Variants in ADAMTS17 observed in about 807,000 individuals in gnomAD.
The protein encoded by ADAMTS17 is A disintegrin and metalloproteinase with thrombospondin motifs 17.
In ADAMTS17, 113 loss-of-function variants were observed where a neutral mutation model predicts 141.5. The ratio of observed to expected loss-of-function variants is 0.80; its 90% CI spans 0.69 to 0.93. The LOEUF is 0.93. Among genes scored for constraint, ADAMTS17 ranks in the 40% least tolerant of loss-of-function variants. The pLI, the probability that ADAMTS17 is intolerant of heterozygous loss-of-function variation, is 0.00. For missense variants in ADAMTS17, 1,659 were observed against 1,517.9 expected, an observed-to-expected ratio of 1.09 and a Z score of -1.54; for synonymous variants, 768 against 630.6, an observed-to-expected ratio of 1.22 and a Z score of -3.27.
rs930122146 is a variant in ADAMTS17 at position 100,176,361 on chromosome 15, G to A, written c.1182-21041C>T. ...TCAAACTAGGCTACGTGTTGGAGTC[G>A]CCTAAGGAGTTAAAAAAAAATACAG... On this transcript the variant is annotated intron_variant, in intron 8 of 21. Transcript: ENST00000268070. 5.9e-5 allele frequency among the ~76,000 whole-genome samples: 9 copies of A among 152,112 alleles called. No homozygotes were observed. The East Asian group carries it at 9.6e-4, about 16-fold the overall frequency.
At chr15:100,180,548 T>C (rs570196564) in intron 8 of ADAMTS17, among the ~76,000 whole-genome samples, 1 of 152,332 alleles carries the variant, frequency 6.6e-6, no homozygotes, top group East Asian at 1.9e-4. Flanking sequence ...TTTCTATCTC[T>C]GTGAAGAATG....
chr15:100,162,574 A>G (rs201549246), intron 8 of ADAMTS17, among the ~76,000 whole-genome samples: 4 of 36 alleles, frequency 0.11, no homozygotes, highest in African/African-American at 0.29. Context: ...TTATATGTGT[A>G]TATATATGCA....
chr15:100,192,823 T>C (rs1466625113), intron 8 of ADAMTS17, among the ~76,000 whole-genome samples: 8 of 152,202 alleles, frequency 5.3e-5, no homozygotes, highest in Non-Finnish European at 1.5e-5. Flanking sequence ...CCATGTCAAC[T>C]CCAGTTATGG....
intron 4 of ADAMTS17, among the ~76,000 whole-genome samples, chr15:100,278,555 C>A (rs1419248462): frequency 1.3e-5 from 2 of 152,092 alleles, no homozygotes; most frequent in Non-Finnish European, 2.9e-5. Context: ...GTGGGTCCAG[C>A]GGCTCGACAT....
chr15:100,273,686 T>A (rs762634294), intron 4 of ADAMTS17, among the ~76,000 whole-genome samples: 4 of 152,190 alleles, frequency 2.6e-5, no homozygotes, highest in Admixed American at 6.5e-5. Context: ...TTCTCTCTGC[T>A]TTAATCCATA....
At chr15:100,188,069 G>A (rs1280564398) in intron 8 of ADAMTS17, among the ~76,000 whole-genome samples, 2 of 152,046 alleles carry the variant, frequency 1.3e-5, no homozygotes, top group East Asian at 3.9e-4. Flanking sequence ...GGGTGACAGA[G>A]CGAGGTCCTC....
At chr15:100,130,578 T>A (rs781749478) in intron 12 of ADAMTS17, among the ~76,000 whole-genome samples, 1 of 152,022 alleles carries the variant, frequency 6.6e-6, no homozygotes, top group Non-Finnish European at 1.5e-5. Context: ...GCTGCTGGAG[T>A]CACCTGGGAA....
At chr15:100,207,428 G>C (rs2041618161) in intron 7 of ADAMTS17, among the ~76,000 whole-genome samples, 1 of 152,136 alleles carries the variant, frequency 6.6e-6, no homozygotes, top group Non-Finnish European at 1.5e-5. Context: ...AATACACCCA[G>C]AGTGCACCCT....
At chr15:100,316,254 G>A (rs543491446) in intron 3 of ADAMTS17, among the ~76,000 whole-genome samples, 1 of 152,150 alleles carries the variant, frequency 6.6e-6, no homozygotes, top group Middle Eastern at 3.2e-3. Flanking sequence ...TGTGGTGGCA[G>A]TGCAGCTGGC....
chr15:100,307,438 G>A (rs1056213625), intron 3 of ADAMTS17, among the ~76,000 whole-genome samples: 1 of 152,162 alleles, frequency 6.6e-6, no homozygotes, highest in African/African-American at 2.4e-5. Flanking sequence ...GAAAGAGATG[G>A]CAAGAGCAAG....
intron 8 of ADAMTS17, among the ~76,000 whole-genome samples, chr15:100,180,017 GCTT>G (rs1238478606): frequency 2.0e-5 from 3 of 152,148 alleles, no homozygotes; most frequent in Admixed American, 6.5e-5. Context: ...TTGTGCAGAA[GCTT>G]CTTAACTTGA....
chr15:100,311,236 C>T (rs531769144), intron 3 of ADAMTS17, among the ~76,000 whole-genome samples: 5 of 152,298 alleles, frequency 3.3e-5, no homozygotes, highest in Admixed American at 2.0e-4. Flanking sequence ...ACATGAACGC[C>T]GCTGATTCAA....
Position 100,302,676 on chromosome 15 carries a change from C to G in ADAMTS17, c.617-21275G>C, listed in dbSNP as rs28808355. On this transcript the variant is annotated intron_variant, in intron 3 of 21. Transcript: ENST00000268070. ...GAGCATCTCTGCAGGTGCTTATTGT[C>G]TATTTGTATACCTTCTTTAGAGAAC... 5.1e-3 allele frequency among the ~76,000 whole-genome samples: 776 copies of G among 152,290 alleles called. 4 individuals are homozygous for G. The highest frequency in any genetic ancestry group is 0.017 in the African/African-American group (719 of 41,556).
chr15:100,152,787 A>G, intron 9 of ADAMTS17, 25 bp from the exon 10 acceptor site: 1 of 1,613,262 alleles, frequency 6.2e-7, no homozygotes, highest in Non-Finnish European at 8.5e-7. Context: ...AGGCAAGTTG[A>G]CTTGCAAATG....
chr15:100,224,895 T>G (rs934657409), intron 7 of ADAMTS17, among the ~76,000 whole-genome samples: 4 of 152,348 alleles, frequency 2.6e-5, no homozygotes, highest in African/African-American at 9.6e-5. Flanking sequence ...CTGCGAAGCT[T>G]GTCAGGCAAC....
chr15:100,341,134 C>A lies in ADAMTS17; in HGVS notation c.355G>T (p.Gly119Cys). Residue 119 changes from glycine (G) to cysteine (C), a missense_variant, in exon 2 of 22, where the codon GGC (glycine) becomes TGC (cysteine). Transcript: ENST00000268070. ...TAGAAGCACAGCTCGGCGGGGCGGC[C>A]GCGGCGCCGGGCCGCGCCCGCCTCC... is the stretch of plus-strand genomic sequence containing the variant. ...VEEAGAARRR[G>C]RPAELCFYSG... is the part of the protein sequence containing the mutation. 2 of 1,438,128 alleles carry A rather than the reference C, an allele frequency of 1.4e-6. No individual in the cohort carries two copies. The highest frequency in any genetic ancestry group is 3.0e-5 in the African/African-American group (2 of 66,272). The allele number at this position is 1,438,128 out of a possible 1,614,324, so 89.1% of individuals were successfully genotyped here. A position where few individuals can be genotyped will look rare whatever the true frequency, so the allele number is the denominator to read the frequency against.
chr15:100,151,323 G>A (rs1315804047), intron 10 of ADAMTS17, among the ~76,000 whole-genome samples: 1 of 152,158 alleles, frequency 6.6e-6, no homozygotes, highest in African/African-American at 2.4e-5. Context: ...GCCCTTTTTA[G>A]CAACCCCAAA....
intron 8 of ADAMTS17, among the ~76,000 whole-genome samples, chr15:100,158,545 C>A: frequency 6.6e-6 from 1 of 152,154 alleles, no homozygotes; most frequent in East Asian, 1.9e-4. Flanking sequence ...AGCAGCTCTC[C>A]TGAGCTCCAC....
chr15:100,044,440 T>A (rs544274900), intron 18 of ADAMTS17, among the ~76,000 whole-genome samples: 1 of 152,356 alleles, frequency 6.6e-6, no homozygotes, highest in South Asian at 2.1e-4. Flanking sequence ...TACTCTGTTG[T>A]TAGACCCATG....
Sources: gnomAD v4.1 joint callset for allele counts (sites outside exome capture counted in the v4.1 genomes callset) on GRCh38, gnomAD v4.1.1 for gene constraint, MANE v1.5 for transcripts, NCBI Gene and HGNC (gene_info 2026-07-23, HGNC 2026-07-21) for gene names.